The following TTLL11 variants were observed in gnomAD, a reference collection of about 807,000 sequenced individuals.
The protein encoded by TTLL11 is tubulin tyrosine ligase like 11.
Under a neutral mutation model 51.7 loss-of-function variants are expected in TTLL11, and 42 were observed. The ratio of observed to expected loss-of-function variants is 0.81; its 90% confidence interval spans 0.64 to 1.05. TTLL11 has a LOEUF of 1.05. Ranked by LOEUF, TTLL11 falls within the 50% of genes least tolerant of loss-of-function variation. The pLI, the probability that TTLL11 is intolerant of heterozygous loss-of-function variation, is 0.00. For missense variants in TTLL11, 799 were observed against 940.4 expected (o/e 0.85, Z 1.97); for synonymous variants, 381 against 383.5 (o/e 0.99, Z 0.08).
chr9:121,842,375 A>G (rs1837383613), intron 8 of TTLL11, among the ~76,000 whole-genome samples: 1 of 152,030 alleles, frequency 6.6e-6, no homozygotes, highest in South Asian at 2.1e-4. Flanking sequence ...CTCCTGCCCC[A>G]GCATTCTAAG....
chr9:121,960,704 G>A (rs924119933), intron 6 of TTLL11, among the ~76,000 whole-genome samples: 5 of 152,156 alleles, frequency 3.3e-5, no homozygotes, highest in South Asian at 2.1e-4. Flanking sequence ...TCTCAGGACC[G>A]GTCTACGGTG....
Position 122,006,003 on chromosome 9 carries a change from A to G in TTLL11, c.694-16233T>C, listed in dbSNP as rs554452986. Among the ~76,000 whole-genome samples the G allele has an allele frequency of 3.9e-5, 6 of 152,346 alleles. No homozygotes were observed. The South Asian group carries it at 1.2e-3, about 32-fold the overall frequency. On this transcript the variant is annotated intron_variant, in intron 3 of 8. Coordinates refer to ENST00000321582, the MANE Select transcript of TTLL11 (RefSeq NM_001139442.2). ...CATGTTACATATAAAGTGTTTTTAC[A>G]AGGTTCAAACTGAGTATCACAATAT...
chr9:121,822,485 C>G lies in TTLL11; in HGVS notation c.*102G>C. On this transcript the variant is annotated 3_prime_UTR_variant, in exon 9 of 9. Coordinates refer to ENST00000321582, the MANE Select transcript of TTLL11 (RefSeq NM_001139442.2). This position sits in a 1 kb window ranked among gnomAD's most constrained non-coding sequence, Gnocchi z 5.8. ...GTTCGTGGGGACCTCAGCTGGGCCC[C>G]TCGGCAGCCTGCCTGCCATTCCTCT... is the stretch of plus-strand genomic sequence containing the variant. 8.3e-7 allele frequency: 1 copy of G among 1,202,558 alleles called. No homozygotes were observed. The highest frequency in any genetic ancestry group is 1.1e-6 in the Non-Finnish European group (1 of 894,786). 74.5% of individuals were successfully genotyped at this position (1,202,558 alleles called of 1,614,324 possible). A position where few individuals can be genotyped will look rare whatever the true frequency, so the allele number is the denominator to read the frequency against.
chr9:122,016,005 C>T lies in TTLL11; in HGVS notation c.693+15718G>A, dbSNP rs182327524. On this transcript the variant is annotated intron_variant, in intron 3 of 8. Transcript: ENST00000321582. ...AGGGAGAGGTAATTAAACAGGTAGTCACTAGACAGTGTAATTAGCATAAGT... is the reference window on the plus strand; with the variant it reads ...AGGGAGAGGTAATTAAACAGGTAGTTACTAGACAGTGTAATTAGCATAAGT... Among the ~76,000 whole-genome samples the T allele has an allele frequency of 2.0e-5, 3 of 152,158 alleles. No homozygotes were observed. In the East Asian group the frequency reaches 5.8e-4, roughly 29 times the overall value.
intron 8 of TTLL11, among the ~76,000 whole-genome samples, chr9:121,828,530 T>G (rs573854366): frequency 1.3e-5 from 2 of 152,228 alleles, no homozygotes; most frequent in African/African-American, 4.8e-5. Flanking sequence ...TATGTTGCTA[T>G]GCAGCCTTTA....
At chr9:121,836,714 G>A (rs1345146021) in intron 8 of TTLL11, among the ~76,000 whole-genome samples, 1 of 152,168 alleles carries the variant, frequency 6.6e-6, no homozygotes, top group Non-Finnish European at 1.5e-5. Context: ...AGCAGGGAGA[G>A]GGTAGGATGA....
intron 6 of TTLL11, among the ~76,000 whole-genome samples, chr9:121,968,042 C>CT (rs1842454691): frequency 6.6e-6 from 1 of 152,126 alleles, no homozygotes; most frequent in Non-Finnish European, 1.5e-5. Flanking sequence ...AGTGGCAAAA[C>CT]GCTGTGGAGC....
In TTLL11 at chr9:121,912,511, G is replaced by T. The variant is rs181552978; in HGVS notation, c.1482-41763C>A. Among the ~76,000 whole-genome samples the T allele has an allele frequency of 3.4e-4, 51 of 152,002 alleles. No individual in the cohort carries two copies. In the East Asian group the frequency reaches 9.7e-3, roughly 29 times the overall value. Reference sequence around the variant, plus strand: ...CCTCTCTGCCCCACAGTCCATGCAGGCGTCGTGTGTCACCAAAACCTAGCA... The same window carrying T: ...CCTCTCTGCCCCACAGTCCATGCAGTCGTCGTGTGTCACCAAAACCTAGCA... On this transcript the variant is annotated intron_variant, in intron 6 of 8. Coordinates refer to ENST00000321582, the MANE Select transcript of TTLL11 (RefSeq NM_001139442.2).
chr9:121,933,048 C>T (rs573687120), intron 6 of TTLL11, among the ~76,000 whole-genome samples: 1 of 152,240 alleles, frequency 6.6e-6, no homozygotes, highest in Non-Finnish European at 1.5e-5. Context: ...TCGAAAATGT[C>T]GGTTAGTTTT....
rs554210943 is a variant in TTLL11 at position 122,075,453 on chromosome 9, ATTCTTAGAATAACAG to A, written c.462+17219_462+17233del. ...CAGTTAATGGAAAAGTGTTGCATACATTCTTAGAATAACAGTTCTTAGTGACCAGCTAAAGCTTAT... is the reference window on the plus strand; with the variant it reads ...CAGTTAATGGAAAAGTGTTGCATACATTCTTAGTGACCAGCTAAAGCTTAT... On this transcript the variant is annotated intron_variant, in intron 1 of 8. Coordinates refer to ENST00000321582, the MANE Select transcript of TTLL11 (RefSeq NM_001139442.2). Among the ~76,000 whole-genome samples the A allele has an allele frequency of 1.4e-4, 22 of 152,348 alleles. 1 individual carries two copies. In the South Asian group the frequency reaches 4.3e-3, roughly 30 times the overall value.
intron 8 of TTLL11, among the ~76,000 whole-genome samples, chr9:121,851,943 T>C (rs964089545): frequency 6.6e-6 from 1 of 152,196 alleles, no homozygotes; most frequent in African/African-American, 2.4e-5. Flanking sequence ...AACACAGCTC[T>C]GCCCAATTCT....
chr9:121,851,558 T>A (rs1347688151), intron 8 of TTLL11, among the ~76,000 whole-genome samples: 2 of 152,184 alleles, frequency 1.3e-5, no homozygotes, highest in African/African-American at 4.8e-5. Flanking sequence ...ATGTAGCTGG[T>A]GTTGGCGTCA....
At chr9:121,830,086 T>A (rs1406889970) in intron 8 of TTLL11, among the ~76,000 whole-genome samples, 2 of 152,234 alleles carry the variant, frequency 1.3e-5, no homozygotes, top group Non-Finnish European at 2.9e-5. Flanking sequence ...AAGATGCATT[T>A]AATCCACTGA....
intron 3 of TTLL11, among the ~76,000 whole-genome samples, chr9:122,025,821 T>C (rs1272589490): frequency 6.6e-6 from 1 of 152,152 alleles, no homozygotes; most frequent in Non-Finnish European, 1.5e-5. Context: ...TGAAAACATG[T>C]CCACGCAAAG....
intron 6 of TTLL11, among the ~76,000 whole-genome samples, chr9:121,946,518 G>C (rs1370921838): frequency 6.6e-6 from 1 of 152,196 alleles, no homozygotes; most frequent in Non-Finnish European, 1.5e-5. Context: ...CAGCCTTCAA[G>C]ATTTAGGAAG....
At chr9:121,902,050 C>T (rs1839796627) in intron 6 of TTLL11, among the ~76,000 whole-genome samples, 1 of 151,738 alleles carries the variant, frequency 6.6e-6, no homozygotes, top group Non-Finnish European at 1.5e-5. Context: ...ATTGTGTGAT[C>T]ACACAAAAAT....
At chr9:121,834,482 C>CT (rs57838645) in intron 8 of TTLL11, among the ~76,000 whole-genome samples, 85,180 of 144,996 alleles carry the variant, frequency 0.59, 24,926 homozygotes, top group East Asian at 0.77. Flanking sequence ...CCCTGAGTGG[C>CT]TTTTTTTTTT....
At chr9:121,850,961 A>G (rs1837650461) in intron 8 of TTLL11, among the ~76,000 whole-genome samples, 2 of 152,378 alleles carry the variant, frequency 1.3e-5, no homozygotes, top group African/African-American at 4.8e-5. Flanking sequence ...CAGTCAGTGA[A>G]TAGACGAACA....
intron 7 of TTLL11, among the ~76,000 whole-genome samples, chr9:121,861,636 G>A (rs931063593): frequency 6.6e-6 from 1 of 152,188 alleles, no homozygotes; most frequent in African/African-American, 2.4e-5. Flanking sequence ...AGAAGGAGGA[G>A]GGGAAGCTAG....
Sources: gnomAD v4.1 joint callset for allele counts (sites outside exome capture counted in the v4.1 genomes callset) on GRCh38, gnomAD v4.1.1 for gene constraint, Gnocchi (gnomAD v3.1) non-coding constraint, MANE v1.5 for transcripts, NCBI Gene and HGNC (gene_info 2026-07-23, HGNC 2026-07-21) for gene names.